SLC39A11: variants seen among roughly 807,000 people sequenced by gnomAD.
The protein encoded by SLC39A11 is zinc transporter ZIP11.
In SLC39A11, 33 loss-of-function variants were observed where a neutral mutation model predicts 36.1. That is an observed-to-expected ratio of 0.91 (90% CI 0.69 to 1.22). The LOEUF is 1.22. Among genes scored for constraint, SLC39A11 ranks in the 50% most tolerant of loss-of-function variants. The pLI is 0.00. For missense variants in SLC39A11, 432 were observed against 430.3 expected, an observed-to-expected ratio of 1.00 and a Z score of -0.03; for synonymous variants, 166 against 170.3, an observed-to-expected ratio of 0.97 and a Z score of 0.20.
intron 7 of SLC39A11, among the ~76,000 whole-genome samples, chr17:72,685,830 G>C (rs1488999259): frequency 6.6e-6 from 1 of 152,108 alleles, no homozygotes; most frequent in Non-Finnish European, 1.5e-5. Context: ...CTTGAGGTCA[G>C]GAGTTCAAGA....
chr17:72,929,961 C>G (rs186884675), intron 5 of SLC39A11, among the ~76,000 whole-genome samples: 1 of 152,118 alleles, frequency 6.6e-6, no homozygotes, highest in Non-Finnish European at 1.5e-5. Context: ...CCTGACTTTG[C>G]GAGGATATTA....
At chr17:72,767,003 C>G (rs1247176618) in intron 6 of SLC39A11, among the ~76,000 whole-genome samples, 1 of 152,130 alleles carries the variant, frequency 6.6e-6, no homozygotes, top group South Asian at 2.1e-4. Context: ...CCCCACTTCT[C>G]CCCCAACTTC....
At chr17:72,903,271 G>GAAAAAAA (rs11450652) in intron 5 of SLC39A11, among the ~76,000 whole-genome samples, 8 of 113,052 alleles carry the variant, frequency 7.1e-5, no homozygotes, top group East Asian at 2.5e-4. Flanking sequence ...GTCTCGAAAA[G>GAAAAAAA]AAAAAAAAAA....
chr17:72,958,821 A>G (rs2086410557), intron 4 of SLC39A11, among the ~76,000 whole-genome samples: 1 of 151,838 alleles, frequency 6.6e-6, no homozygotes, highest in South Asian at 2.1e-4. Context: ...ACTGCACTCC[A>G]GCCTGGGCGA....
intron 7 of SLC39A11, among the ~76,000 whole-genome samples, chr17:72,708,112 G>A (rs2072966185): frequency 6.6e-6 from 1 of 152,198 alleles, no homozygotes; most frequent in African/African-American, 2.4e-5. Context: ...TGCTTGAGCA[G>A]CCCCAGCAAT....
intron 4 of SLC39A11, among the ~76,000 whole-genome samples, chr17:72,973,845 C>T (rs892133679): frequency 6.6e-6 from 1 of 152,132 alleles, no homozygotes; most frequent in African/African-American, 2.4e-5. Flanking sequence ...AAGGCATGAA[C>T]CACCGCACCT....
At chr17:72,867,026 G>A (rs767881664) in intron 5 of SLC39A11, among the ~76,000 whole-genome samples, 3 of 152,020 alleles carry the variant, frequency 2.0e-5, no homozygotes, top group Non-Finnish European at 4.4e-5. Flanking sequence ...AAATACAAAC[G>A]AACAAAAACA....
chr17:72,666,777 A>T (rs2070774777), intron 7 of SLC39A11, among the ~76,000 whole-genome samples: 1 of 152,188 alleles, frequency 6.6e-6, no homozygotes, highest in Admixed American at 6.5e-5. Flanking sequence ...CAGTTAGAAC[A>T]TGCTCCCTTC....
intron 7 of SLC39A11, among the ~76,000 whole-genome samples, chr17:72,730,891 T>C (rs2074189146): frequency 6.6e-6 from 1 of 152,112 alleles, no homozygotes; most frequent in Non-Finnish European, 1.5e-5. Context: ...ATAGGAACTA[T>C]AGGTGTGCGC....
At chr17:72,649,346 A>G in intron 7 of SLC39A11, 78 bp from the exon 8 acceptor site, 2 of 1,323,308 alleles carry the variant, frequency 1.5e-6, no homozygotes, top group Non-Finnish European at 2.1e-6. Context: ...GCCGAGGCCA[A>G]GACCTCCGTG....
At chr17:72,945,224 T>C (rs2085363340) in intron 5 of SLC39A11, among the ~76,000 whole-genome samples, 1 of 152,218 alleles carries the variant, frequency 6.6e-6, no homozygotes, top group Non-Finnish European at 1.5e-5. Flanking sequence ...TAAATGCTTT[T>C]CCCAGCTCAG....
intron 7 of SLC39A11, among the ~76,000 whole-genome samples, chr17:72,731,539 GT>G (rs56302595): frequency 0.9 from 134,991 of 150,618 alleles, 60,946 homozygotes; most frequent in African/African-American, 0.97. Context: ...ACCTTATGCA[GT>G]TTTTTTTTTT....
chr17:72,981,707 G>C (rs889330423), intron 4 of SLC39A11, among the ~76,000 whole-genome samples: 1 of 151,894 alleles, frequency 6.6e-6, no homozygotes, highest in Admixed American at 6.6e-5. Flanking sequence ...GTTCAAAGAG[G>C]TACAAATTAA....
intron 5 of SLC39A11, among the ~76,000 whole-genome samples, chr17:72,900,072 G>GAAA (rs2082261039): frequency 6.9e-6 from 1 of 145,232 alleles, no homozygotes; most frequent in Admixed American, 6.9e-5. Flanking sequence ...AAGAGAGAGA[G>GAAA]AGAAAGAGAG....
At chr17:72,769,296 C>T (rs1220591100) in intron 6 of SLC39A11, among the ~76,000 whole-genome samples, 1 of 152,212 alleles carries the variant, frequency 6.6e-6, no homozygotes, top group African/African-American at 2.4e-5. Context: ...ACAGTGTTGT[C>T]ACTCATCTAC....
chr17:73,024,115 G>A (rs1200513462), intron 4 of SLC39A11, among the ~76,000 whole-genome samples: 3 of 152,222 alleles, frequency 2.0e-5, no homozygotes, highest in Admixed American at 6.5e-5. Flanking sequence ...TAAAAGGTCC[G>A]ACTGCAGAAC....
At position 72,931,834 on chromosome 17, in the gene SLC39A11, A is replaced by T. The variant is rs2084416858; in HGVS notation, c.430+15918T>A. Among the ~76,000 whole-genome samples, 8 of 152,270 alleles carry T rather than the reference A, an allele frequency of 5.3e-5. No homozygotes were observed. The South Asian group carries it at 1.7e-3, about 32-fold the overall frequency. On this transcript the variant is annotated intron_variant, in intron 5 of 9. Coordinates refer to ENST00000255559, the MANE Select transcript of SLC39A11 (RefSeq NM_139177.4). ...ACTTCAGCTTTCATTCTCTGATCTA[A>T]GATCTTGCTCTACAACTCGGTAGAG...
intron 4 of SLC39A11, among the ~76,000 whole-genome samples, chr17:72,955,572 G>T (rs2086202123): frequency 6.7e-6 from 1 of 149,872 alleles, no homozygotes; most frequent in African/African-American, 2.5e-5. Context: ...GCCTTCCAAA[G>T]TGCTGGGATT....
intron 6 of SLC39A11, among the ~76,000 whole-genome samples, chr17:72,781,636 G>T (rs940264648): frequency 3.9e-5 from 6 of 152,022 alleles, no homozygotes; most frequent in Non-Finnish European, 8.8e-5. Context: ...TGTTAACCAC[G>T]TCTTGGTCTC....
Sources: gnomAD v4.1 joint callset for allele counts (sites outside exome capture counted in the v4.1 genomes callset) on GRCh38, gnomAD v4.1.1 for gene constraint, MANE v1.5 for transcripts, NCBI Gene and HGNC (gene_info 2026-07-23, HGNC 2026-07-21) for gene names.